Variants in HDLBP observed in about 807,000 individuals in gnomAD.
The protein encoded by HDLBP is vigilin.
In HDLBP, 30 loss-of-function variants were observed where a neutral mutation model predicts 137.3. That is an observed-to-expected ratio of 0.22 (90% CI 0.16 to 0.30). The LOEUF (loss-of-function observed/expected upper bound fraction) is 0.30, where lower values mean the gene tolerates loss of function less well. Ranked by LOEUF, HDLBP falls within the 10% of genes least tolerant of loss-of-function variation. The pLI is 1.00. For missense variants in HDLBP, 1,119 were observed against 1,667.3 expected (o/e 0.67, Z 5.73); for synonymous variants, 606 against 596.0 (o/e 1.02, Z -0.24).
At chr2:241,307,253 G>A (rs2075613292) in intron 1 of HDLBP, among the ~76,000 whole-genome samples, 1 of 152,204 alleles carries the variant, frequency 6.6e-6, no homozygotes, top group Admixed American at 6.5e-5. Context: ...GAAAAGGCAA[G>A]CCCTAGAGTG....
intron 1 of HDLBP, among the ~76,000 whole-genome samples, chr2:241,301,886 A>G (rs975596776): frequency 7.9e-5 from 12 of 152,042 alleles, no homozygotes; most frequent in Non-Finnish European, 1.6e-4. Context: ...AAGGGGTAAA[A>G]CTGTTTCTGA....
chr2:241,267,202 C>T (rs893075073), intron 2 of HDLBP, among the ~76,000 whole-genome samples: 2 of 151,910 alleles, frequency 1.3e-5, no homozygotes, highest in Non-Finnish European at 2.9e-5. Context: ...CTAATGATAG[C>T]TAATAAACAA....
rs1279073619 is a variant in HDLBP, at chr2:241,242,321, G to A, written c.2169+139C>T. On this transcript the variant is annotated intron_variant, in intron 17 of 27. Coordinates refer to ENST00000310931, the MANE Select transcript of HDLBP (RefSeq NM_005336.6). ...CTCCAGTAACAGCAAAAACAAAGAC[G>A]CATAAACAGTACATTATAGAGCTGT... 56 of 687,610 alleles carry A rather than the reference G, an allele frequency of 8.1e-5. No homozygotes were observed. The East Asian group carries it at 1.4e-3, about 18-fold the overall frequency. 42.6% of individuals were successfully genotyped at this position (687,610 alleles called of 1,614,324 possible). A position where few individuals can be genotyped will look rare whatever the true frequency, so the allele number is the denominator to read the frequency against.
chr2:241,276,246 G>C (rs2074382834), intron 1 of HDLBP, among the ~76,000 whole-genome samples: 1 of 152,080 alleles, frequency 6.6e-6, no homozygotes, highest in Non-Finnish European at 1.5e-5. Flanking sequence ...GACAATCTAG[G>C]AAAAACAAAG....
At chr2:241,311,754 A>T (rs1035252976) in intron 1 of HDLBP, among the ~76,000 whole-genome samples, 7 of 152,264 alleles carry the variant, frequency 4.6e-5, no homozygotes, top group African/African-American at 1.7e-4. Flanking sequence ...CAATCCTATT[A>T]TACCACTTCG....
intron 14 of HDLBP, 130 bp downstream of exon 14, chr2:241,247,873 G>A (rs1454942339): frequency 1.6e-6 from 1 of 643,344 alleles, no homozygotes; most frequent in Non-Finnish European, 2.8e-6. Flanking sequence ...TCCCTGAGAT[G>A]GAAGGCCAGC....
At chr2:241,313,865 C>A (rs533457121) in intron 1 of HDLBP, among the ~76,000 whole-genome samples, 112 of 152,310 alleles carry the variant, frequency 7.4e-4, no homozygotes, top group Admixed American at 1.4e-3. Flanking sequence ...TCAACTATAT[C>A]TTTGAGGTGC....
rs548317081 is a variant in HDLBP, at chr2:241,230,035, G to C, written c.3592-74C>G. On this transcript the variant is annotated intron_variant, in intron 26 of 27. Coordinates refer to ENST00000310931, the MANE Select transcript of HDLBP (RefSeq NM_005336.6). The surrounding 1 kb of genome is among the most constrained non-coding windows in gnomAD (Gnocchi z 5.0). Reference sequence around the variant, plus strand: ...GCATCCCGCCCGCCTGCTCACCCCTGCACCTCGCCTGCCTCTGGAAACACA... The same window carrying C: ...GCATCCCGCCCGCCTGCTCACCCCTCCACCTCGCCTGCCTCTGGAAACACA... The C allele has an allele frequency of 8.2e-6, 13 of 1,578,128 alleles. No homozygotes were observed. The African/African-American group carries it at 1.3e-4, about 16-fold the overall frequency.
chr2:241,270,862 C>T (rs1007881638), intron 1 of HDLBP: 4 of 625,124 alleles, frequency 6.4e-6, no homozygotes, highest in African/African-American at 6.0e-5. Flanking sequence ...CCTAGATACC[C>T]AAGAACAGAG....
At chr2:241,288,366 A>T (rs1489856153) in intron 1 of HDLBP, among the ~76,000 whole-genome samples, 1 of 149,760 alleles carries the variant, frequency 6.7e-6, no homozygotes, top group African/African-American at 2.5e-5. Context: ...AGAGCATTTA[A>T]AGGGGGACTG....
chr2:241,240,405 C>T lies in HDLBP; in HGVS notation c.2170-283G>A, dbSNP rs1268258181. Among the ~76,000 whole-genome samples, 1 of 152,220 alleles carries T rather than the reference C, an allele frequency of 6.6e-6. No homozygotes were observed. Among genetic ancestry groups the T allele is most frequent in the Non-Finnish European group, 1.5e-5 (1 of 68,034 alleles). ...CTGCCACTTACAAGCACTGACCAAA[C>T]TTCTCCAAGCCATTTTTGATCTGCA... On this transcript the variant is annotated intron_variant, in intron 17 of 27. Coordinates refer to ENST00000310931, the MANE Select transcript of HDLBP (RefSeq NM_005336.6). This position sits in a 1 kb window ranked among gnomAD's most constrained non-coding sequence, Gnocchi z 5.5.
At chr2:241,258,257 G>A (rs188065241) in intron 5 of HDLBP, among the ~76,000 whole-genome samples, 36 of 148,040 alleles carry the variant, frequency 2.4e-4, no homozygotes, top group African/African-American at 7.2e-4. Flanking sequence ...TGAGGCAGGC[G>A]AATGGCGTGA....
intron 21 of HDLBP, chr2:241,236,254 C>CTAGG: frequency 3.3e-6 from 1 of 304,964 alleles, no homozygotes; most frequent in African/African-American, 2.1e-5. Context: ...ACAAGGTGAG[C>CTAGG]TAGGCCTGAT....
chr2:241,236,818 C>T, intron 20 of HDLBP, 49 bp from the exon 21 acceptor site: 2 of 1,591,508 alleles, frequency 1.3e-6, no homozygotes, highest in Non-Finnish European at 1.7e-6. Flanking sequence ...GGAAGAGACC[C>T]CACACCTTGT....
At chr2:241,306,194 C>T (rs2075567784) in intron 1 of HDLBP, among the ~76,000 whole-genome samples, 1 of 151,632 alleles carries the variant, frequency 6.6e-6, no homozygotes, top group Non-Finnish European at 1.5e-5. Flanking sequence ...TTCTGATAAA[C>T]TGAGTTACCC....
In HDLBP at chr2:241,249,822, G is replaced by T; in HGVS notation, c.1512+19C>A. The T allele has an allele frequency of 6.3e-7, 1 of 1,588,558 alleles. No individual in the cohort carries two copies. Among genetic ancestry groups the T allele is most frequent in the Non-Finnish European group, 8.6e-7 (1 of 1,169,538 alleles). ...CGCAAGGCCAGTGCCTTTCTAGAGGGCCCAGCCATGGCACTTACCATGCGA... is the reference window on the plus strand; with the variant it reads ...CGCAAGGCCAGTGCCTTTCTAGAGGTCCCAGCCATGGCACTTACCATGCGA... On this transcript the variant is annotated intron_variant, in intron 12 of 27. Transcript: ENST00000310931.
At chr2:241,257,517 C>A (rs1431716785) in intron 5 of HDLBP, among the ~76,000 whole-genome samples, 3 of 152,000 alleles carry the variant, frequency 2.0e-5, no homozygotes, top group Non-Finnish European at 2.9e-5. Flanking sequence ...AGGTGTGAGC[C>A]ACTGCGCCTG....
chr2:241,305,990 G>A (rs1212408209), intron 1 of HDLBP, among the ~76,000 whole-genome samples: 1 of 151,964 alleles, frequency 6.6e-6, no homozygotes, highest in Non-Finnish European at 1.5e-5. Flanking sequence ...TCGATCTCCT[G>A]ACCTCGTGAT....
Position 241,238,453 on chromosome 2 carries a change from G to A in HDLBP, c.2749+196C>T. 2.3e-6 allele frequency: 1 copy of A among 435,580 alleles called. No homozygotes were observed. The highest frequency in any genetic ancestry group is 4.0e-6 in the Non-Finnish European group (1 of 247,404). The allele number at this position is 435,580 out of a possible 1,614,324, so 27.0% of individuals were successfully genotyped here. The stretch of plus-strand genomic sequence containing the variant: ...CTCTAGGACCTATGAAGGTCACCTG[G>A]TCACTCTGTCAGTAACTGACGTGGT... On this transcript the variant is annotated intron_variant, in intron 20 of 27. Coordinates refer to ENST00000310931, the MANE Select transcript of HDLBP (RefSeq NM_005336.6). This position sits in a 1 kb window ranked among gnomAD's most constrained non-coding sequence, Gnocchi z 4.9.
Sources: gnomAD v4.1 joint callset for allele counts (sites outside exome capture counted in the v4.1 genomes callset) on GRCh38, gnomAD v4.1.1 for gene constraint, Gnocchi (gnomAD v3.1) non-coding constraint, MANE v1.5 for transcripts, NCBI Gene and HGNC (gene_info 2026-07-23, HGNC 2026-07-21) for gene names.